Variants in SHKBP1 observed in about 807,000 individuals in gnomAD.
SHKBP1 encodes the protein SH3KBP1 binding protein 1, also known as SH3KBP1-binding protein 1.
A neutral mutation model predicts 83.9 loss-of-function variants in SHKBP1; 71 were observed. That is an observed-to-expected ratio of 0.85 (90% CI 0.70 to 1.03). The LOEUF (loss-of-function observed/expected upper bound fraction) is 1.03. SHKBP1 is among the 50% of genes least tolerant of loss of function. The pLI, the probability that SHKBP1 is intolerant of heterozygous loss-of-function variation, is 0.00. For missense variants in SHKBP1, 824 were observed against 982.4 expected (o/e 0.84, Z 2.16); for synonymous variants, 371 against 398.0 (o/e 0.93, Z 0.81).
Position 40,576,901 on chromosome 19 carries a change from TG to T in SHKBP1, c.4del (p.Ala2?). The stretch of plus-strand genomic sequence containing the variant: ...GGCCAGCCGGCTCGCCCGGGGGCCA[TG>T]GCAGCAGCGGCTACTGCAGCCGAGG... MAAAATAAEGV... is the reference protein window; with the variant it reads XAAAATAAEGV... On this transcript the variant is annotated frameshift_variant and start_lost, in exon 1 of 18. Transcript: ENST00000291842. LOFTEE classifies it high-confidence loss of function. 1 of 1,462,812 alleles carries T rather than the reference TG, an allele frequency of 6.8e-7. No individual in the cohort carries two copies. Among genetic ancestry groups the T allele is most frequent in the Non-Finnish European group, 9.0e-7 (1 of 1,109,648 alleles). 90.6% of individuals were successfully genotyped at this position (1,462,812 alleles called of 1,614,324 possible). A position where few individuals can be genotyped will look rare whatever the true frequency, so the allele number is the denominator to read the frequency against.
chr19:40,590,255 T>C lies in SHKBP1; in HGVS notation c.1601T>C (p.Val534Ala). Residue 534 changes from valine to alanine, a missense_variant, in exon 16 of 18, where the codon GTG becomes GCG. By Grantham distance (64) the Val-to-Ala change is moderately conservative. Coordinates refer to ENST00000291842, the MANE Select transcript of SHKBP1 (RefSeq NM_138392.4). The surrounding 1 kb of genome is among the most constrained non-coding windows in gnomAD (Gnocchi z 4.6). ...LSSTGQRVCS[V>A]RSVDGSPTTA... ...ACTGCACCCCCCAGGGTGTGCTCCGTGCGCTCCGTGGACGGCTCACCCACG... is the reference window on the plus strand; with the variant it reads ...ACTGCACCCCCCAGGGTGTGCTCCGCGCGCTCCGTGGACGGCTCACCCACG... The C allele has an allele frequency of 6.3e-7, 1 of 1,593,766 alleles. No individual in the cohort carries two copies. The highest frequency in any genetic ancestry group is 8.5e-7 in the Non-Finnish European group (1 of 1,171,680).
chr19:40,577,479 G>A (rs776634356), intron 3 of SHKBP1, 38 bp downstream of exon 3: 6 of 1,613,936 alleles, frequency 3.7e-6, no homozygotes, highest in Non-Finnish European at 5.1e-6. Flanking sequence ...TGGGGGGGAG[G>A]GGTTGGTAGG....
chr19:40,583,411 A>T lies in SHKBP1; in HGVS notation c.974A>T (p.Gln325Leu), dbSNP rs764552228. The T allele has an allele frequency of 1.3e-5, 20 of 1,587,770 alleles. No homozygotes were observed. The highest frequency in any genetic ancestry group is 1.6e-5 in the Non-Finnish European group (19 of 1,166,964). The change falls in exon 11 of 18, where the codon CAG becomes CTG. Residue 325 changes from glutamine to leucine, a missense_variant. Coordinates refer to ENST00000291842, the MANE Select transcript of SHKBP1 (RefSeq NM_138392.4). Reference sequence around the variant, plus strand: ...CCCCACCCCCAGGTCCAGGAGGTGCAGCCCATCACCAGTTATGACGCGGCA... The same window carrying T: ...CCCCACCCCCAGGTCCAGGAGGTGCTGCCCATCACCAGTTATGACGCGGCA... The part of the protein sequence containing the change: ...VTKHWQVQEV[Q>L]PITSYDAAGS...
chr19:40,586,286 A>G (rs2081311190), intron 12 of SHKBP1, among the ~76,000 whole-genome samples: 1 of 150,722 alleles, frequency 6.6e-6, no homozygotes. Context: ...CATTTCCCAC[A>G]TCTCATCACC....
chr19:40,580,490 GTT>G lies in SHKBP1; in HGVS notation c.562+7_562+8del, dbSNP rs771895609. 1.2e-6 allele frequency: 2 copies of G among 1,613,060 alleles called. No individual in the cohort carries two copies. The highest frequency in any genetic ancestry group is 1.7e-6 in the Non-Finnish European group (2 of 1,179,328). On this transcript the variant is annotated splice_donor_region_variant and intron_variant, in intron 7 of 17. Transcript: ENST00000291842. ...AAACCCCTCCCTCACCCTCAGGTAC[GTT>G]TCTATCTCGTGGAAGGTTGGGGCAG...
chr19:40,585,706 C>G (rs1453054713), intron 12 of SHKBP1: 1 of 151,604 alleles, frequency 6.6e-6, no homozygotes, highest in East Asian at 1.9e-4. Context: ...TGCCACCATG[C>G]CCAGCTAATT....
At position 40,582,377 on chromosome 19, in the gene SHKBP1, G is replaced by A. The variant is rs1363217220; in HGVS notation, c.871G>A (p.Glu291Lys). The change falls in exon 10 of 18, where the codon GAG becomes AAG. Residue 291 changes from glutamate (E) to lysine (K), a missense_variant. By Grantham distance (56) the Glu-to-Lys change is moderately conservative. Transcript: ENST00000291842. ...GGTCTTTCATCTGGGGGTGCCTGTG[G>A]AGGCCTTGTTCTTCGTCGGGAACCA... ...IGVFHLGVPV[E>K]ALFFVGNQLI... 1 of 1,614,136 alleles carries A rather than the reference G, an allele frequency of 6.2e-7. No homozygotes were observed. The highest frequency in any genetic ancestry group is 1.1e-5 in the South Asian group (1 of 91,074).
intron 9 of SHKBP1, among the ~76,000 whole-genome samples, chr19:40,581,693 C>T (rs905178882): frequency 2.6e-5 from 4 of 152,116 alleles, no homozygotes; most frequent in African/African-American, 7.2e-5. Flanking sequence ...GCACTCCAGC[C>T]TGGACAACAG....
chr19:40,578,705 A>G (rs983715069), intron 6 of SHKBP1, among the ~76,000 whole-genome samples, 163 bp downstream of exon 6: 2 of 152,130 alleles, frequency 1.3e-5, no homozygotes, highest in African/African-American at 4.8e-5. Context: ...GAAGTTGGAC[A>G]CAGCATTTCC....
At position 40,577,750 on chromosome 19, in the gene SHKBP1, T is replaced by A. The variant is rs1047851446; in HGVS notation, c.260+120T>A. 6 of 1,317,368 alleles carry A rather than the reference T, an allele frequency of 4.6e-6. No homozygotes were observed. The African/African-American group carries it at 8.7e-5, about 19-fold the overall frequency. The allele number at this position is 1,317,368 out of a possible 1,614,324, so 81.6% of individuals were successfully genotyped here. ...TTAGAATTCTCATTCAGAACCTTGA[T>A]CACAGGCCGGGCGCGCCGGGATTGC... On this transcript the variant is annotated intron_variant, in intron 4 of 17. Transcript: ENST00000291842.
At chr19:40,588,806 C>T in intron 14 of SHKBP1, 27 bp downstream of exon 14, 2 of 1,608,358 alleles carry the variant, frequency 1.2e-6, no homozygotes, top group Non-Finnish European at 8.5e-7. Flanking sequence ...GGCCTTCCCA[C>T]CCCACTGACC....
chr19:40,588,786 A>ACTGG lies in SHKBP1; in HGVS notation c.1492+10_1492+13dup, dbSNP rs754524706. 6.2e-6 allele frequency: 10 copies of ACTGG among 1,612,292 alleles called. No individual in the cohort carries two copies. Among genetic ancestry groups the ACTGG allele is most frequent in the Non-Finnish European group, 8.5e-6 (10 of 1,179,942 alleles). The stretch of plus-strand genomic sequence containing the variant: ...AGTGCTGGCAATGACATTGGTGCCT[A>ACTGG]CTGGCTCCTGGCCTTCCCACCCCAC... On this transcript the variant is annotated splice_region_variant and intron_variant, in intron 14 of 17. Transcript: ENST00000291842.
At chr19:40,578,565 A>G (rs1263584047) in intron 6 of SHKBP1, 23 bp downstream of exon 6, 2 of 1,606,574 alleles carry the variant, frequency 1.2e-6, no homozygotes, top group South Asian at 1.1e-5. Context: ...AATGGAATGG[A>G]GGGGCGCGGA....
rs769946621 is a variant in SHKBP1, at chr19:40,580,718, G to T, written c.654-28G>T. On this transcript the variant is annotated intron_variant, in intron 8 of 17. Coordinates refer to ENST00000291842, the MANE Select transcript of SHKBP1 (RefSeq NM_138392.4). Reference sequence around the variant, plus strand: ...GTTGATGGGAAGGGCATGCGGTGAGGGTTGGTGATGTCCCCTCGATCCTAC... The same window carrying T: ...GTTGATGGGAAGGGCATGCGGTGAGTGTTGGTGATGTCCCCTCGATCCTAC... The T allele has an allele frequency of 5.0e-6, 8 of 1,613,750 alleles. No homozygotes were observed. In the Admixed American group the frequency reaches 1.3e-4, roughly 27 times the overall value.
intron 15 of SHKBP1, among the ~76,000 whole-genome samples, chr19:40,589,908 T>A (rs952323740): frequency 2.6e-5 from 4 of 151,576 alleles, no homozygotes; most frequent in Non-Finnish European, 4.4e-5. Context: ...CCGTGGCCAC[T>A]GCATGGGGGA....
Position 40,589,153 on chromosome 19 carries a change from G to T in SHKBP1, c.1564G>T (p.Val522Leu). 1 of 1,613,152 alleles carries T rather than the reference G, an allele frequency of 6.2e-7. No individual in the cohort carries two copies. Among genetic ancestry groups the T allele is most frequent in the African/African-American group, 1.3e-5 (1 of 74,816 alleles). ...KVVPSASQLF[V>L]RLSSTGQRVC... Reference sequence around the variant, plus strand: ...GGTGCCCAGTGCCAGCCAGCTCTTCGTGCGTCTCTCATCTACTGGGCAGCG... The same window carrying T: ...GGTGCCCAGTGCCAGCCAGCTCTTCTTGCGTCTCTCATCTACTGGGCAGCG... Residue 522 changes from valine (V) to leucine (L), a missense_variant, in exon 15 of 18, where the codon GTG (valine) becomes TTG (leucine). Around this residue, in one of 3 missense-constraint regions of SHKBP1, gnomAD observed 287 missense variants for 322.9 expected, o/e 0.89. Transcript: ENST00000291842.
At position 40,586,824 on chromosome 19, in the gene SHKBP1, G is replaced by A. The variant is rs1381179306; in HGVS notation, c.1216G>A (p.Val406Met). ...CGCCTATGGCACCAGCTCAGGGGGC[G>A]TGCGGGTCATCGTGCAGCACCCGGA... is the stretch of plus-strand genomic sequence containing the variant. ...EIAYGTSSGG[V>M]RVIVQHPETV... The change falls in exon 13 of 18, where the codon GTG (valine) becomes ATG (methionine). Residue 406 changes from valine to methionine, a missense_variant. Physicochemically the swap from Val to Met is conservative, Grantham distance 21. Coordinates refer to ENST00000291842, the MANE Select transcript of SHKBP1 (RefSeq NM_138392.4). 1.9e-6 allele frequency: 3 copies of A among 1,611,146 alleles called. No individual in the cohort carries two copies. The highest frequency in any genetic ancestry group is 2.5e-6 in the Non-Finnish European group (3 of 1,178,186).
intron 6 of SHKBP1, 99 bp downstream of exon 6, chr19:40,578,641 G>T (rs974008698): frequency 9.7e-7 from 1 of 1,036,200 alleles, no homozygotes; most frequent in African/African-American, 1.6e-5. Flanking sequence ...TGCGTCCTGA[G>T]ATACAGTGGG....
At chr19:40,588,277 T>G (rs1006887547) in intron 13 of SHKBP1, among the ~76,000 whole-genome samples, 9 of 152,116 alleles carry the variant, frequency 5.9e-5, no homozygotes, top group Non-Finnish European at 1.0e-4. Flanking sequence ...CTTCAGGTGT[T>G]CACAGGCTCC....
Sources: gnomAD v4.1 joint callset for allele counts (sites outside exome capture counted in the v4.1 genomes callset) on GRCh38, gnomAD v4.1.1 for gene constraint, gnomAD v4.1.1 regional missense constraint, Gnocchi (gnomAD v3.1) non-coding constraint, MANE v1.5 for transcripts, NCBI Gene and HGNC (gene_info 2026-07-23, HGNC 2026-07-21) for gene names.